IFT57: variants seen among roughly 807,000 people sequenced by gnomAD.
IFT57 encodes intraflagellar transport 57, also known as intraflagellar transport protein 57 homolog.
In IFT57, 59 loss-of-function variants were observed where a neutral mutation model predicts 56.8. The observed-to-expected ratio is 1.04, with a 90% CI of 0.84 to 1.29. The LOEUF (loss-of-function observed/expected upper bound fraction) is 1.29, where lower values mean the gene tolerates loss of function less well. Among genes scored for constraint, IFT57 ranks in the 50% most tolerant of loss-of-function variants. IFT57 has a pLI of 0.00. For missense variants in IFT57, 470 were observed against 522.1 expected, an observed-to-expected ratio of 0.90 and a Z score of 0.97; for synonymous variants, 209 against 186.1, an observed-to-expected ratio of 1.12 and a Z score of -1.00.
intron 2 of IFT57, 21 bp from the exon 3 acceptor site, chr3:108,218,674 CAG>C (rs763483159): frequency 1.4e-5 from 18 of 1,266,250 alleles, no homozygotes; most frequent in Non-Finnish European, 1.9e-5. Context: ...AAAGAAAAAA[CAG>C]GGTATTATTT....
At chr3:108,193,640 G>T (rs2080228005) in intron 5 of IFT57, among the ~76,000 whole-genome samples, 1 of 152,128 alleles carries the variant, frequency 6.6e-6, no homozygotes, top group South Asian at 2.1e-4. Flanking sequence ...ATTGGATCTA[G>T]GGTAGCCCAA....
chr3:108,184,645 G>C (rs1217947976), intron 6 of IFT57, among the ~76,000 whole-genome samples: 2 of 152,056 alleles, frequency 1.3e-5, no homozygotes, highest in Non-Finnish European at 2.9e-5. Flanking sequence ...AATCATAAGT[G>C]TATAAAATTA....
chr3:108,207,355 A>C (rs2080319232), intron 4 of IFT57, among the ~76,000 whole-genome samples: 1 of 152,210 alleles, frequency 6.6e-6, no homozygotes, highest in Non-Finnish European at 1.5e-5. Context: ...CCCAATATGC[A>C]GTAAATATGG....
intron 4 of IFT57, among the ~76,000 whole-genome samples, chr3:108,211,172 GGTTT>G (rs2080340993): frequency 6.6e-6 from 1 of 152,072 alleles, no homozygotes; most frequent in Admixed American, 6.6e-5. Flanking sequence ...CTGACTAGTG[GGTTT>G]GTTTTTTATT....
intron 2 of IFT57, among the ~76,000 whole-genome samples, chr3:108,219,095 G>A (rs1289757): frequency 0.78 from 118,400 of 151,852 alleles, 47,160 homozygotes; most frequent in Non-Finnish European, 0.86. Context: ...TTCAGAATAT[G>A]AAGTGTTTTG....
chr3:108,184,065 A>G (rs990426477), intron 6 of IFT57, among the ~76,000 whole-genome samples: 1 of 152,158 alleles, frequency 6.6e-6, no homozygotes, highest in African/African-American at 2.4e-5. Context: ...ATTGTCCTAA[A>G]GTACTACTCT....
intron 6 of IFT57, among the ~76,000 whole-genome samples, chr3:108,187,285 T>C (rs1386729127): frequency 6.6e-6 from 1 of 152,202 alleles, no homozygotes; most frequent in Non-Finnish European, 1.5e-5. Context: ...TTTGCATTCT[T>C]TGAGAACTGG....
intron 8 of IFT57, among the ~76,000 whole-genome samples, chr3:108,165,873 C>A (rs1031220508): frequency 5.3e-5 from 8 of 152,102 alleles, no homozygotes; most frequent in African/African-American, 1.9e-4. Context: ...CAAAGTAGAG[C>A]ATGAAGCTCA....
chr3:108,177,311 C>A (rs2080129512), intron 6 of IFT57, among the ~76,000 whole-genome samples: 1 of 151,688 alleles, frequency 6.6e-6, no homozygotes, highest in African/African-American at 2.4e-5. Context: ...CTTACACAAA[C>A]TCTACCATAC....
chr3:108,205,917 T>C (rs1395920967), intron 5 of IFT57, among the ~76,000 whole-genome samples: 11 of 128,212 alleles, frequency 8.6e-5, no homozygotes, highest in African/African-American at 2.6e-4. Flanking sequence ...TATTAATATA[T>C]ATTATTTATA....
chr3:108,170,146 C>CTTCCAA (rs2080085182), intron 6 of IFT57, among the ~76,000 whole-genome samples: 3 of 152,014 alleles, frequency 2.0e-5, no homozygotes, highest in Admixed American at 1.3e-4. Context: ...AAGTTCTAGC[C>CTTCCAA]TGGGCAATCA....
chr3:108,214,765 T>A lies in IFT57; in HGVS notation c.495-744A>T, dbSNP rs187165505. On this transcript the variant is annotated intron_variant, in intron 3 of 10. Transcript: ENST00000264538. ...CACTTCTTTTTAGGTGAAATGTCTA[T>A]TTATACCATTTACTTTTTGGCTTTT... 4.7e-3 allele frequency among the ~76,000 whole-genome samples: 718 copies of A among 152,306 alleles called. 8 individuals are homozygous for A. Among genetic ancestry groups the A allele is most frequent in the Middle Eastern group, 0.024 (7 of 294 alleles).
At chr3:108,201,837 A>C (rs2080279682) in intron 5 of IFT57, among the ~76,000 whole-genome samples, 1 of 152,244 alleles carries the variant, frequency 6.6e-6, no homozygotes, top group African/African-American at 2.4e-5. Context: ...ACAATACTGC[A>C]GTTTTGCCTA....
At position 108,207,819 on chromosome 3, in the gene IFT57, G is replaced by A. The variant is rs539584608; in HGVS notation, c.586-1123C>T. The stretch of plus-strand genomic sequence containing the variant: ...AGCACTTTGGGAGGCCGAGGCAGGC[G>A]GATCACGAGGTCAGGAGATCGAGAC... On this transcript the variant is annotated intron_variant, in intron 4 of 10. Transcript: ENST00000264538. 4.2e-3 allele frequency among the ~76,000 whole-genome samples: 638 copies of A among 152,170 alleles called. 1 individual carries two copies. Among genetic ancestry groups the A allele is most frequent in the Non-Finnish European group, 7.6e-3 (516 of 67,980 alleles).
At chr3:108,206,502 T>C (rs529448257) in intron 5 of IFT57, 126 bp downstream of exon 5, 8 of 390,666 alleles carry the variant, frequency 2.0e-5, no homozygotes, top group Non-Finnish European at 2.9e-5. Context: ...AGGAAAGCAA[T>C]TTTGAGAGCT....
At chr3:108,203,908 C>T (rs1195136595) in intron 5 of IFT57, among the ~76,000 whole-genome samples, 1 of 152,170 alleles carries the variant, frequency 6.6e-6, no homozygotes, top group Non-Finnish European at 1.5e-5. Flanking sequence ...CACGGCTGGG[C>T]TTGCACAGTC....
At chr3:108,215,426 G>A (rs2080366398) in intron 3 of IFT57, among the ~76,000 whole-genome samples, 1 of 152,050 alleles carries the variant, frequency 6.6e-6, no homozygotes, top group Non-Finnish European at 1.5e-5. Flanking sequence ...AGCTGGGAGT[G>A]GTGGTGTGCA....
At chr3:108,206,169 T>C (rs572887535) in intron 5 of IFT57, among the ~76,000 whole-genome samples, 41 of 144,424 alleles carry the variant, frequency 2.8e-4, no homozygotes, top group Admixed American at 6.4e-4. Context: ...TTTTATAGAT[T>C]AGATTTATTT....
chr3:108,186,501 A>C (rs2080183455), intron 6 of IFT57, among the ~76,000 whole-genome samples: 1 of 152,160 alleles, frequency 6.6e-6, no homozygotes, highest in South Asian at 2.1e-4. Flanking sequence ...CAGAAAACAA[A>C]TTTGATACTG....
Sources: gnomAD v4.1 joint callset for allele counts (sites outside exome capture counted in the v4.1 genomes callset) on GRCh38, gnomAD v4.1.1 for gene constraint, MANE v1.5 for transcripts, NCBI Gene and HGNC (gene_info 2026-07-23, HGNC 2026-07-21) for gene names.